The following MGAT4A variants were observed in gnomAD, a reference collection of about 807,000 sequenced individuals.
MGAT4A encodes alpha-1,3-mannosyl-glycoprotein 4-beta-N-acetylglucosaminyltransferase A, also known as N-acetylglucosaminyltransferase IVa.
MGAT4A carries 33 observed loss-of-function variants against 74.1 expected under a neutral mutation model. The observed-to-expected ratio is 0.45, with a 90% confidence interval of 0.34 to 0.60. The LOEUF is 0.60. Among genes scored for constraint, MGAT4A ranks in the 20% least tolerant of loss-of-function variants. The pLI is 0.02. For synonymous variants in MGAT4A, 198 were observed against 210.4 expected (o/e 0.94, Z 0.51); for missense variants, 479 against 628.3 (o/e 0.76, Z 2.54).
intron 4 of MGAT4A, among the ~76,000 whole-genome samples, chr2:98,665,741 G>A (rs1248141959): frequency 6.6e-6 from 1 of 152,250 alleles, no homozygotes; most frequent in African/African-American, 2.4e-5. Flanking sequence ...GTGATGAATG[G>A]GGAGGGGGTA....
chr2:98,722,099 T>C (rs1281409868), intron 2 of MGAT4A, among the ~76,000 whole-genome samples: 2 of 152,154 alleles, frequency 1.3e-5, no homozygotes, highest in Non-Finnish European at 2.9e-5. Context: ...ATTCCTCAAA[T>C]GATTAAACAT....
chr2:98,664,230 A>AG (rs1701793864), intron 4 of MGAT4A, among the ~76,000 whole-genome samples: 2 of 135,526 alleles, frequency 1.5e-5, no homozygotes, highest in Non-Finnish European at 3.1e-5. Flanking sequence ...AAAAAAAAAA[A>AG]AGAGAAAACT....
chr2:98,663,201 A>G lies in MGAT4A; in HGVS notation c.404-22T>C, dbSNP rs1559162820. 2.6e-6 allele frequency: 4 copies of G among 1,561,264 alleles called. No homozygotes were observed. In the South Asian group the frequency reaches 3.6e-5, roughly 14 times the overall value. On this transcript the variant is annotated intron_variant, in intron 4 of 15. Transcript: ENST00000393487. ...GAAACTGGAAAAAAAAATAGTAATTATATTAAAAAACTGTACAAGGACAAT... is the reference window on the plus strand; with the variant it reads ...GAAACTGGAAAAAAAAATAGTAATTGTATTAAAAAACTGTACAAGGACAAT...
intron 4 of MGAT4A, among the ~76,000 whole-genome samples, chr2:98,669,379 A>G (rs1701880477): frequency 6.6e-6 from 1 of 152,142 alleles, no homozygotes; most frequent in Non-Finnish European, 1.5e-5. Context: ...CCATCCACGT[A>G]AGATGTGACT....
intron 12 of MGAT4A, 23 bp downstream of exon 12, chr2:98,639,785 C>T (rs1197598811): frequency 6.4e-7 from 1 of 1,570,484 alleles, no homozygotes; most frequent in Admixed American, 1.8e-5. Context: ...TGTAAGATCA[C>T]ATACATTTCA....
intron 14 of MGAT4A, among the ~76,000 whole-genome samples, chr2:98,633,174 C>A (rs1701267960): frequency 6.6e-6 from 1 of 152,198 alleles, no homozygotes; most frequent in Non-Finnish European, 1.5e-5. Context: ...GAGTTCTGCC[C>A]AGATTCATCA....
chr2:98,658,289 A>C, intron 5 of MGAT4A, 25 bp from the exon 6 acceptor site: 1 of 1,435,406 alleles, frequency 7.0e-7, no homozygotes, highest in East Asian at 2.3e-5. Flanking sequence ...AAATGTATCT[A>C]TATTCAAGTT....
intron 7 of MGAT4A, among the ~76,000 whole-genome samples, 168 bp from the exon 8 acceptor site, chr2:98,655,688 A>G (rs183232794): frequency 1.1e-3 from 175 of 152,324 alleles, no homozygotes; most frequent in Non-Finnish European, 2.4e-3. Context: ...AAGAAAATTC[A>G]CTTTCCTCTA....
chr2:98,625,645 A>G, intron 15 of MGAT4A, 53 bp from the exon 16 acceptor site: 1 of 1,562,572 alleles, frequency 6.4e-7, no homozygotes, highest in African/African-American at 1.4e-5. Context: ...CTCAATTCCA[A>G]AAAGGCCTTA....
chr2:98,687,614 T>C (rs536723516), intron 2 of MGAT4A, among the ~76,000 whole-genome samples: 2 of 152,342 alleles, frequency 1.3e-5, no homozygotes, highest in South Asian at 2.1e-4. Flanking sequence ...TCTGGACTTA[T>C]TTTCAATCAA....
chr2:98,658,649 C>T (rs1439931852), intron 5 of MGAT4A, among the ~76,000 whole-genome samples: 1 of 152,170 alleles, frequency 6.6e-6, no homozygotes, highest in African/African-American at 2.4e-5. Flanking sequence ...TCTGTAGCTA[C>T]TGAACTGCAT....
intron 5 of MGAT4A, among the ~76,000 whole-genome samples, chr2:98,661,565 G>C (rs1490199979): frequency 1.3e-5 from 2 of 152,138 alleles, no homozygotes; most frequent in African/African-American, 2.4e-5. Flanking sequence ...AAATCTCTCT[G>C]AAGACTTGAC....
chr2:98,685,026 T>C (rs1239560163), intron 2 of MGAT4A, among the ~76,000 whole-genome samples: 13 of 152,110 alleles, frequency 8.5e-5, no homozygotes, highest in Non-Finnish European at 1.9e-4. Context: ...TGCTTGAACC[T>C]AATAGTTTGA....
At chr2:98,725,717 C>T (rs528753684) in intron 2 of MGAT4A, among the ~76,000 whole-genome samples, 1 of 151,982 alleles carries the variant, frequency 6.6e-6, no homozygotes, top group African/African-American at 2.4e-5. Context: ...TTTTAATATT[C>T]CAATCAGAAT....
chr2:98,646,539 T>G (rs1701488004), intron 8 of MGAT4A, among the ~76,000 whole-genome samples: 1 of 151,994 alleles, frequency 6.6e-6, no homozygotes, highest in Non-Finnish European at 1.5e-5. Context: ...AGACCTCATC[T>G]CTACAAAAAA....
chr2:98,642,823 C>T (rs942659910), intron 10 of MGAT4A, among the ~76,000 whole-genome samples: 1 of 152,130 alleles, frequency 6.6e-6, no homozygotes. Flanking sequence ...TTTCCTCTAA[C>T]TAAGAATGTG....
chr2:98,728,768 A>G (rs567203915), intron 1 of MGAT4A, among the ~76,000 whole-genome samples: 1 of 152,130 alleles, frequency 6.6e-6, no homozygotes, highest in Admixed American at 6.5e-5. Flanking sequence ...ACTTCATAGC[A>G]AGACTGCTCT....
intron 2 of MGAT4A, among the ~76,000 whole-genome samples, chr2:98,701,418 C>A (rs1283397821): frequency 6.6e-6 from 1 of 152,222 alleles, no homozygotes; most frequent in Middle Eastern, 3.4e-3. Context: ...TGAAGCAGCA[C>A]AAAAAAATCA....
At chr2:98,728,745 A>G (rs1054619180) in intron 1 of MGAT4A, among the ~76,000 whole-genome samples, 3 of 73,470 alleles carry the variant, frequency 4.1e-5, no homozygotes, top group East Asian at 4.4e-4. Flanking sequence ...ACTCAGTTTG[A>G]AAAAAAAAAA....
Sources: allele counts gnomAD v4.1 joint callset (sites outside exome capture counted in the v4.1 genomes callset), GRCh38; gene constraint gnomAD v4.1.1; transcripts MANE v1.5; gene names NCBI Gene and HGNC (gene_info 2026-07-23, HGNC 2026-07-21).